Variants in CDC6 observed in about 807,000 individuals in gnomAD.
CDC6 encodes the protein DNA replication factor CDC6.
Under a neutral mutation model 60.2 loss-of-function variants are expected in CDC6, and 46 were observed. The observed-to-expected ratio is 0.76, with a 90% CI of 0.60 to 0.98. CDC6 has a LOEUF of 0.98. Ranked by LOEUF, CDC6 falls within the 50% of genes least tolerant of loss-of-function variation. The pLI is 0.00. For missense variants in CDC6, 596 were observed against 652.9 expected, an observed-to-expected ratio of 0.91 and a Z score of 0.95; for synonymous variants, 210 against 233.2, an observed-to-expected ratio of 0.90 and a Z score of 0.90.
Position 40,295,470 on chromosome 17 carries a change from C to A in CDC6, c.1184+14C>A. 2.1e-6 allele frequency: 3 copies of A among 1,459,864 alleles called. No individual in the cohort carries two copies. Among genetic ancestry groups the A allele is most frequent in the Non-Finnish European group, 2.9e-6 (3 of 1,041,416 alleles). 90.4% of individuals were successfully genotyped at this position (1,459,864 alleles called of 1,614,324 possible). A position where few individuals can be genotyped will look rare whatever the true frequency, so the allele number is the denominator to read the frequency against. On this transcript the variant is annotated intron_variant, in intron 8 of 11. Transcript: ENST00000209728. ...GGATGTTTGCAGGTGAGTTACGGCTCTGTTGCATTCTTTTATTAAAAAAAA... is the reference window on the plus strand; with the variant it reads ...GGATGTTTGCAGGTGAGTTACGGCTATGTTGCATTCTTTTATTAAAAAAAA...
chr17:40,288,742 G>C (rs2032702821), intron 1 of CDC6, among the ~76,000 whole-genome samples: 1 of 152,110 alleles, frequency 6.6e-6, no homozygotes, highest in Non-Finnish European at 1.5e-5. Context: ...CCACCACCAC[G>C]CCCGGCTAAT....
Position 40,294,421 on chromosome 17 carries a change from A to C in CDC6, c.1001A>C (p.Glu334Ala). 6.2e-7 allele frequency: 1 copy of C among 1,611,130 alleles called. No homozygotes were observed. Among genetic ancestry groups the C allele is most frequent in the Middle Eastern group, 1.7e-4 (1 of 6,056 alleles). ...DRILPRLQAR[E>A]KCKPQLLNFP... ...ATTCTACCTAGGCTTCAAGCTAGAGAAAAATGTAAGCCACAGCTGTTGAAC... is the reference window on the plus strand; with the variant it reads ...ATTCTACCTAGGCTTCAAGCTAGAGCAAAATGTAAGCCACAGCTGTTGAAC... The change falls in exon 7 of 12, where the codon GAA (glutamate) becomes GCA (alanine). Residue 334 changes from glutamate to alanine, a missense_variant. Physicochemically the swap from Glu to Ala is moderately radical, Grantham distance 107. Coordinates refer to ENST00000209728, the MANE Select transcript of CDC6 (RefSeq NM_001254.4).
At chr17:40,295,825 C>T (rs2032850666) in intron 8 of CDC6, among the ~76,000 whole-genome samples, 1 of 152,142 alleles carries the variant, frequency 6.6e-6, no homozygotes, top group African/African-American at 2.4e-5. Context: ...TGTTCCCCTT[C>T]CTTTCCTTTT....
Position 40,296,683 on chromosome 17 carries a change from T to C in CDC6, c.1185-20T>C. On this transcript the variant is annotated intron_variant, in intron 8 of 11. Coordinates refer to ENST00000209728, the MANE Select transcript of CDC6 (RefSeq NM_001254.4). ...TTGGTTTGGCTCAGACTAAATTAAT[T>C]TTAGAAATTTTTTTTATAGGAGAGC... is the stretch of plus-strand genomic sequence containing the variant. 6.6e-7 allele frequency: 1 copy of C among 1,509,130 alleles called. No individual in the cohort carries two copies. The highest frequency in any genetic ancestry group is 9.2e-7 in the Non-Finnish European group (1 of 1,084,646). The allele number at this position is 1,509,130 out of a possible 1,614,324, so 93.5% of individuals were successfully genotyped here.
rs1356250677 is a variant in CDC6, at chr17:40,302,391, G to T, written c.*390G>T. 9 of 241,504 alleles carry T rather than the reference G, an allele frequency of 3.7e-5. No individual in the cohort carries two copies. The highest frequency in any genetic ancestry group is 1.6e-5 in the Non-Finnish European group (2 of 122,814). 15.0% of individuals were successfully genotyped at this position (241,504 alleles called of 1,614,324 possible). A position where few individuals can be genotyped will look rare whatever the true frequency, so the allele number is the denominator to read the frequency against. On this transcript the variant is annotated 3_prime_UTR_variant, in exon 12 of 12. Coordinates refer to ENST00000209728, the MANE Select transcript of CDC6 (RefSeq NM_001254.4). ...TTGTTTTTGAGGCGCGTCTCACCCT[G>T]TTGCCCAGGCTGGAGTGCAATGGCG...
Position 40,294,052 on chromosome 17 carries a change from G to T in CDC6, c.939G>T (p.Leu313=). The T allele has an allele frequency of 2.5e-6, 4 of 1,600,780 alleles. No individual in the cohort carries two copies. Among genetic ancestry groups the T allele is most frequent in the Non-Finnish European group, 2.6e-6 (3 of 1,167,786 alleles). The change falls in exon 6 of 12, where the codon CTG becomes CTT. Residue 313 remains leucine (L), a synonymous_variant. Transcript: ENST00000209728. ...WPWLSNSHLV[L]IGIANTLDLT... ...GGCTAAGCAATTCTCACTTGGTGCTGATTGGTTAGTGCTCAATTGTTAATG... is the reference window on the plus strand; with the variant it reads ...GGCTAAGCAATTCTCACTTGGTGCTTATTGGTTAGTGCTCAATTGTTAATG...
In CDC6 at chr17:40,293,493, G is replaced by A; in HGVS notation, c.698G>A (p.Cys233Tyr). 2 of 1,613,962 alleles carry A rather than the reference G, an allele frequency of 1.2e-6. No individual in the cohort carries two copies. The highest frequency in any genetic ancestry group is 4.5e-5 in the East Asian group (2 of 44,878). The stretch of plus-strand genomic sequence containing the variant: ...GGCTTTAAAACTATCATGCTGAATT[G>A]CATGTCCTTGAGGACTGCCCAGGCT... Reference protein sequence around the residue: ...LKGFKTIMLNCMSLRTAQAVF... With the variant: ...LKGFKTIMLNYMSLRTAQAVF... The change falls in exon 5 of 12, where the codon TGC becomes TAC. Residue 233 changes from cysteine to tyrosine, a missense_variant. Cys to Tyr is a radical substitution (Grantham distance 194). Coordinates refer to ENST00000209728, the MANE Select transcript of CDC6 (RefSeq NM_001254.4).
chr17:40,296,886 G>A (rs1291743081), intron 9 of CDC6, 119 bp downstream of exon 9: 4 of 787,132 alleles, frequency 5.1e-6, no homozygotes, highest in African/African-American at 1.7e-5. Flanking sequence ...TTTTATGTGT[G>A]TCTGTGTTTT....
chr17:40,288,848 G>A (rs1480266735), intron 1 of CDC6, among the ~76,000 whole-genome samples: 2 of 152,274 alleles, frequency 1.3e-5, no homozygotes, highest in East Asian at 3.9e-4. Flanking sequence ...ACAGGCGTGA[G>A]CCACCGCGTT....
In CDC6 at chr17:40,293,484, T is replaced by C. The variant is rs1567734527; in HGVS notation, c.689T>C (p.Met230Thr). 6.2e-7 allele frequency: 1 copy of C among 1,614,134 alleles called. No homozygotes were observed. Among genetic ancestry groups the C allele is most frequent in the South Asian group, 1.1e-5 (1 of 91,082 alleles). ...GAACTGAAAGGCTTTAAAACTATCA[T>C]GCTGAATTGCATGTCCTTGAGGACT... Reference protein sequence around the residue: ...KKELKGFKTIMLNCMSLRTAQ... With the variant: ...KKELKGFKTITLNCMSLRTAQ... The change falls in exon 5 of 12, where the codon ATG (methionine) becomes ACG (threonine). Residue 230 changes from methionine to threonine, a missense_variant. Physicochemically the swap from Met to Thr is moderately conservative, Grantham distance 81. Coordinates refer to ENST00000209728, the MANE Select transcript of CDC6 (RefSeq NM_001254.4).
At chr17:40,295,235 T>A (rs1161043386) in intron 7 of CDC6, 121 bp from the exon 8 acceptor site, 1 of 763,004 alleles carries the variant, frequency 1.3e-6, no homozygotes, top group Non-Finnish European at 2.4e-6. Context: ...GGCATCTTTT[T>A]AACCCTAAAG....
At chr17:40,298,601 T>A (rs1373468386) in intron 9 of CDC6, among the ~76,000 whole-genome samples, 1 of 151,928 alleles carries the variant, frequency 6.6e-6, no homozygotes, top group Non-Finnish European at 1.5e-5. Context: ...AGGAGTCTCC[T>A]TATGTTGCCC....
chr17:40,301,704 AGTTAAACAAGTC>A, intron 11 of CDC6, 96 bp downstream of exon 11: 4 of 1,351,410 alleles, frequency 3.0e-6, no homozygotes, highest in Non-Finnish European at 4.2e-6. Flanking sequence ...GACCACAGTT[AGTTAAACAAGTC>A]GTTTTTTGTT....
Position 40,289,586 on chromosome 17 carries a change from A to G in CDC6, c.166A>G (p.Arg56Gly). ...TGTAAAAGCCCTGCCTCTCAGCCCCAGGAAACGTCTGGGTAAACCATCCAT... is the reference window on the plus strand; with the variant it reads ...TGTAAAAGCCCTGCCTCTCAGCCCCGGGAAACGTCTGGGTAAACCATCCAT... ...PRVKALPLSP[R>G]KRLGDDNLCN... The change falls in exon 2 of 12, where the codon AGG becomes GGG. Residue 56 changes from arginine (R) to glycine (G), a missense_variant. Transcript: ENST00000209728. 6.2e-7 allele frequency: 1 copy of G among 1,613,878 alleles called. No individual in the cohort carries two copies. The highest frequency in any genetic ancestry group is 8.5e-7 in the Non-Finnish European group (1 of 1,179,824).
chr17:40,299,521 G>T (rs2143106491), intron 9 of CDC6, among the ~76,000 whole-genome samples: 1 of 151,900 alleles, frequency 6.6e-6, no homozygotes, highest in East Asian at 1.9e-4. Flanking sequence ...GTGGTATTTG[G>T]TTTTCTGTTC....
At chr17:40,288,586 A>AT (rs1177950375) in intron 1 of CDC6, among the ~76,000 whole-genome samples, 4,315 of 136,580 alleles carry the variant, frequency 0.032, 80 homozygotes, top group South Asian at 0.042. Flanking sequence ...CGTCCGGCTA[A>AT]TTTTTTTTTT....
chr17:40,300,976 C>A lies in CDC6; in HGVS notation c.1398C>A (p.Cys466Ter). The A allele has an allele frequency of 6.2e-7, 1 of 1,614,054 alleles. No homozygotes were observed. The highest frequency in any genetic ancestry group is 8.5e-7 in the Non-Finnish European group (1 of 1,179,972). ...CTCTTCAGCAGAAGATCTTGGTTTG[C>A]TCTTTGATGCTCTTGATCAGGCAGT... is the stretch of plus-strand genomic sequence containing the variant. ...SFPLQQKILV[C>*]SLMLLIRQLK... The change falls in exon 10 of 12, where the codon TGC (cysteine) becomes TGA (stop). Residue 466 changes from cysteine (C) to a stop codon, truncating the protein, a stop_gained. Coordinates refer to ENST00000209728, the MANE Select transcript of CDC6 (RefSeq NM_001254.4). LOFTEE classifies it high-confidence loss of function.
At chr17:40,295,533 A>G (rs2032845266) in intron 8 of CDC6, 77 bp downstream of exon 8, 4 of 1,017,540 alleles carry the variant, frequency 3.9e-6, no homozygotes, top group Non-Finnish European at 4.7e-6. Flanking sequence ...ATGTAACTCA[A>G]GTGAATGTGG....
chr17:40,293,519 G>A lies in CDC6; in HGVS notation c.724G>A (p.Val242Ile). The part of the protein sequence containing the change: ...NCMSLRTAQA[V>I]FPAIAQEICQ... ...CATGTCCTTGAGGACTGCCCAGGCTGTATTCCCAGCTATTGCTCAGGAGAT... is the reference window on the plus strand; with the variant it reads ...CATGTCCTTGAGGACTGCCCAGGCTATATTCCCAGCTATTGCTCAGGAGAT... Residue 242 changes from valine (V) to isoleucine (I), a missense_variant, in exon 5 of 12, where the codon GTA becomes ATA. Coordinates refer to ENST00000209728, the MANE Select transcript of CDC6 (RefSeq NM_001254.4). The A allele has an allele frequency of 6.2e-7, 1 of 1,613,740 alleles. No homozygotes were observed. Among genetic ancestry groups the A allele is most frequent in the Non-Finnish European group, 8.5e-7 (1 of 1,179,652 alleles).
Sources: gnomAD v4.1 joint callset for allele counts (sites outside exome capture counted in the v4.1 genomes callset) on GRCh38, gnomAD v4.1.1 for gene constraint, MANE v1.5 for transcripts, NCBI Gene and HGNC (gene_info 2026-07-23, HGNC 2026-07-21) for gene names.